RSPRY1: variants seen among roughly 807,000 people sequenced by gnomAD.
RSPRY1 encodes the protein ring finger and SPRY domain containing 1, also known as RING finger and SPRY domain-containing protein 1.
RSPRY1 carries 23 observed loss-of-function variants against 73.1 expected under a neutral mutation model. The observed-to-expected ratio is 0.31, with a 90% confidence interval of 0.23 to 0.45. The LOEUF (loss-of-function observed/expected upper bound fraction) is 0.45. RSPRY1 is among the 20% of genes least tolerant of loss of function. The pLI, the probability that RSPRY1 is intolerant of heterozygous loss-of-function variation, is 1.00. For synonymous variants in RSPRY1, 226 were observed against 251.4 expected (o/e 0.90, Z 0.95); for missense variants, 448 against 698.7 (o/e 0.64, Z 4.05).
chr16:57,201,652 A>G (rs1362122571), intron 1 of RSPRY1, among the ~76,000 whole-genome samples: 2 of 152,206 alleles, frequency 1.3e-5, no homozygotes, highest in Non-Finnish European at 2.9e-5. Context: ...ACGCCACTGC[A>G]CTCCAGCCTG....
chr16:57,199,838 C>T (rs376603004), intron 1 of RSPRY1, among the ~76,000 whole-genome samples: 13 of 132,500 alleles, frequency 9.8e-5, no homozygotes, highest in African/African-American at 1.4e-4. Flanking sequence ...AGTGAAATTT[C>T]TTTTTTTTTT....
intron 11 of RSPRY1, among the ~76,000 whole-genome samples, chr16:57,228,358 G>GA (rs113823354): frequency 0.089 from 13,440 of 151,172 alleles, 746 homozygotes; most frequent in East Asian, 0.23. Flanking sequence ...GGTGGTGTGG[G>GA]AAAAAAATCA....
chr16:57,189,153 C>T (rs1486488026), intron 1 of RSPRY1, among the ~76,000 whole-genome samples: 1 of 151,860 alleles, frequency 6.6e-6, no homozygotes, highest in East Asian at 1.9e-4. Flanking sequence ...ACCACCCGTG[C>T]CTGGCTAATT....
chr16:57,198,694 C>G (rs139372745), intron 1 of RSPRY1, among the ~76,000 whole-genome samples: 1 of 152,168 alleles, frequency 6.6e-6, no homozygotes, highest in Non-Finnish European at 1.5e-5. Context: ...TTGACATTCT[C>G]AAATCATTGC....
intron 4 of RSPRY1, among the ~76,000 whole-genome samples, chr16:57,211,958 A>T (rs1316590385): frequency 6.6e-6 from 1 of 152,204 alleles, no homozygotes; most frequent in Non-Finnish European, 1.5e-5. Context: ...TCTTTAGCGT[A>T]GTCACCAATG....
At chr16:57,213,834 AT>A in intron 5 of RSPRY1, 53 bp from the exon 6 acceptor site, 1 of 1,258,046 alleles carries the variant, frequency 7.9e-7, no homozygotes, top group South Asian at 1.2e-5. Context: ...GTTACCAGTG[AT>A]TTAAAATAAT....
At chr16:57,203,111 A>T (rs1489403760) in intron 1 of RSPRY1, among the ~76,000 whole-genome samples, 6 of 151,946 alleles carry the variant, frequency 3.9e-5, no homozygotes, top group Admixed American at 6.6e-5. Flanking sequence ...TTTGTGGCCA[A>T]CATGGTGAAA....
chr16:57,238,262 A>G (rs60516507), intron 14 of RSPRY1, among the ~76,000 whole-genome samples: 53,973 of 152,054 alleles, frequency 0.35, 10,154 homozygotes, highest in South Asian at 0.51. Flanking sequence ...CTAAACTCTA[A>G]GTTTAATTTG....
At chr16:57,232,587 A>G (rs2075241309) in intron 13 of RSPRY1, among the ~76,000 whole-genome samples, 2 of 152,220 alleles carry the variant, frequency 1.3e-5, no homozygotes, top group Admixed American at 1.3e-4. Flanking sequence ...AAGCCCACAA[A>G]TAAGTCTTCT....
chr16:57,200,700 CGGGCAGAGGGGCTCCTCTCT>C (rs2074562530), intron 1 of RSPRY1, among the ~76,000 whole-genome samples: 1 of 114,956 alleles, frequency 8.7e-6, no homozygotes, highest in Non-Finnish European at 1.8e-5. Flanking sequence ...GGCGGCTGGC[CGGGCAGAGGGGCTCCTCTCT>C]TCCCAGTAGG....
At chr16:57,228,935 T>C (rs1296588867) in intron 11 of RSPRY1, among the ~76,000 whole-genome samples, 1 of 152,216 alleles carries the variant, frequency 6.6e-6, no homozygotes, top group Non-Finnish European at 1.5e-5. Flanking sequence ...GCTCAAGTGA[T>C]CCACCCAACT....
chr16:57,239,216 T>G lies in RSPRY1; in HGVS notation c.*241T>G, dbSNP rs146912143. On this transcript the variant is annotated 3_prime_UTR_variant, in exon 15 of 15. Coordinates refer to ENST00000394420, the MANE Select transcript of RSPRY1 (RefSeq NM_133368.3). ...AAAGCTGAATGCTAGCAGCCAGGCC[T>G]GTGGTACTTCCATGAGAAACCATAG... 286 of 256,386 alleles carry G rather than the reference T, an allele frequency of 1.1e-3. 2 individuals are homozygous for G. The highest frequency in any genetic ancestry group is 6.0e-3 in the African/African-American group (268 of 44,384). The allele number at this position is 256,386 out of a possible 1,614,324, so 15.9% of individuals were successfully genotyped here. A position where few individuals can be genotyped will look rare whatever the true frequency, so the allele number is the denominator to read the frequency against.
intron 1 of RSPRY1, chr16:57,186,682 C>T (rs1370320421): frequency 6.6e-6 from 1 of 151,928 alleles, no homozygotes; most frequent in African/African-American, 2.4e-5. Flanking sequence ...CTTGAGGGAT[C>T]TGAAGAGGTT....
chr16:57,198,336 A>G (rs1277137775), intron 1 of RSPRY1, among the ~76,000 whole-genome samples: 2 of 151,938 alleles, frequency 1.3e-5, no homozygotes, highest in Admixed American at 1.3e-4. Flanking sequence ...GTGAGCTGAG[A>G]TCACGCCACT....
At chr16:57,222,318 T>A (rs1386382180) in intron 10 of RSPRY1, among the ~76,000 whole-genome samples, 1 of 152,200 alleles carries the variant, frequency 6.6e-6, no homozygotes. Context: ...GGCCTCAAAC[T>A]CCTGGGCTCA....
intron 13 of RSPRY1, among the ~76,000 whole-genome samples, chr16:57,234,591 C>T (rs2075274309): frequency 6.6e-6 from 1 of 152,208 alleles, no homozygotes; most frequent in African/African-American, 2.4e-5. Flanking sequence ...TATATTAGGG[C>T]TGTACCTTCA....
chr16:57,210,996 TAAA>T (rs374064986), intron 4 of RSPRY1, among the ~76,000 whole-genome samples: 4 of 152,166 alleles, frequency 2.6e-5, no homozygotes, highest in African/African-American at 4.8e-5. Context: ...CCAGCCTGGT[TAAA>T]AAAAGAAGTA....
intron 11 of RSPRY1, among the ~76,000 whole-genome samples, chr16:57,228,078 A>G (rs2075146234): frequency 6.6e-6 from 1 of 152,150 alleles, no homozygotes; most frequent in African/African-American, 2.4e-5. Context: ...GTTCAAGACC[A>G]GCCTGGCCAA....
chr16:57,200,556 C>T (rs1462308482), intron 1 of RSPRY1, among the ~76,000 whole-genome samples: 8 of 149,998 alleles, frequency 5.3e-5, no homozygotes, highest in Non-Finnish European at 5.9e-5. Flanking sequence ...GCCTCCCTCC[C>T]GGATGGGGCG....
Sources: gnomAD v4.1 joint callset for allele counts (sites outside exome capture counted in the v4.1 genomes callset) on GRCh38, gnomAD v4.1.1 for gene constraint, MANE v1.5 for transcripts, NCBI Gene and HGNC (gene_info 2026-07-23, HGNC 2026-07-21) for gene names.